Variants in AATK observed in about 807,000 individuals in gnomAD.
AATK encodes lemur tail kinase 1.
In AATK, 91 loss-of-function variants were observed where a neutral mutation model predicts 114.3. The ratio of observed to expected loss-of-function variants is 0.80; its 90% CI spans 0.67 to 0.95. The LOEUF (loss-of-function observed/expected upper bound fraction) is 0.95. Among genes scored for constraint, AATK ranks in the 40% least tolerant of loss-of-function variants. AATK has a pLI of 0.00. For synonymous variants in AATK, 1,075 were observed against 916.5 expected (o/e 1.17, Z -3.12); for missense variants, 2,176 against 1,965.2 (o/e 1.11, Z -2.03).
chr17:81,163,272 G>A (rs1335504406), intron 1 of AATK, among the ~76,000 whole-genome samples: 1 of 152,174 alleles, frequency 6.6e-6, no homozygotes. Flanking sequence ...CACCAGGGAA[G>A]GTGAAGGCTG....
Position 81,118,279 on chromosome 17 carries a change from G to C in AATK, c.*123C>G. The C allele has an allele frequency of 1.0e-6, 1 of 993,202 alleles. No individual in the cohort carries two copies. Among genetic ancestry groups the C allele is most frequent in the South Asian group, 1.5e-5 (1 of 65,230 alleles). 61.5% of individuals were successfully genotyped at this position (993,202 alleles called of 1,614,324 possible). A position where few individuals can be genotyped will look rare whatever the true frequency, so the allele number is the denominator to read the frequency against. ...CTCCAGGACACCGCGTGGGGCAGAG[G>C]CACCTGAATCTGCTGCCAACAGCCA... On this transcript the variant is annotated 3_prime_UTR_variant, in exon 14 of 14. Coordinates refer to ENST00000326724, the MANE Select transcript of AATK (RefSeq NM_001080395.3).
chr17:81,127,616 C>G lies in AATK; in HGVS notation c.588G>C (p.Thr196=), dbSNP rs773128585. 6.2e-7 allele frequency: 1 copy of G among 1,602,402 alleles called. No homozygotes were observed. Among genetic ancestry groups the G allele is most frequent in the East Asian group, 2.3e-5 (1 of 44,372 alleles). The part of the protein sequence containing the change: ...LQCLAQCAEV[T]PYLLVMEFCP... ...AGAACTCCATCACCAGCAGGTAGGG[C>G]GTCACCTCGGCGCACTGGGCCAGGC... The change falls in exon 6 of 14, where the codon ACG becomes ACC. Residue 196 remains threonine, a synonymous_variant. Coordinates refer to ENST00000326724, the MANE Select transcript of AATK (RefSeq NM_001080395.3).
At chr17:81,146,550 T>C (rs1178233643) in intron 1 of AATK, among the ~76,000 whole-genome samples, 1 of 151,472 alleles carries the variant, frequency 6.6e-6, no homozygotes, top group Non-Finnish European at 1.5e-5. Flanking sequence ...ACCTTGTCTC[T>C]ACTAAAAATA....
intron 1 of AATK, among the ~76,000 whole-genome samples, chr17:81,136,566 C>T (rs374175763): frequency 2.0e-5 from 3 of 152,344 alleles, no homozygotes; most frequent in African/African-American, 7.2e-5. Flanking sequence ...TGGTCCTTCC[C>T]CGCACTGAGG....
intron 1 of AATK, among the ~76,000 whole-genome samples, chr17:81,138,553 CG>C (rs2061064311): frequency 6.7e-6 from 1 of 149,644 alleles, no homozygotes; most frequent in African/African-American, 2.5e-5. Context: ...CGTGCACACA[CG>C]TGCACACATA....
rs1598905566 is a variant in AATK, at chr17:81,121,670, G to A, written c.2266C>T (p.Pro756Ser). ...GAGGGTGTAACCAGGCAGGGAGCAG[G>A]TGCCAGGCCCTGGGCAGAGCATAGA... ...PHLCSAQGLAPAPCLVTPSWT... is the reference protein window; with the variant it reads ...PHLCSAQGLASAPCLVTPSWT... The change falls in exon 11 of 14, where the codon CCT (proline) becomes TCT (serine). Residue 756 changes from proline to serine, a missense_variant. Physicochemically the swap from Pro to Ser is moderately conservative, Grantham distance 74. This residue lies in a region of AATK where 1,701 missense variants were observed against 1,394.7 expected (regional missense o/e 1.22). Transcript: ENST00000326724. The A allele has an allele frequency of 6.7e-7, 1 of 1,500,170 alleles. No homozygotes were observed. The highest frequency in any genetic ancestry group is 2.4e-5 in the East Asian group (1 of 41,866). 92.9% of individuals were successfully genotyped at this position (1,500,170 alleles called of 1,614,324 possible).
At chr17:81,154,134 T>G (rs1322579597) in intron 1 of AATK, among the ~76,000 whole-genome samples, 6 of 152,000 alleles carry the variant, frequency 3.9e-5, no homozygotes, top group Admixed American at 3.3e-4. Context: ...TGTGAGCGTC[T>G]TCTCCAAGGA....
chr17:81,154,107 G>C (rs2061331680), intron 1 of AATK, among the ~76,000 whole-genome samples: 1 of 151,872 alleles, frequency 6.6e-6, no homozygotes, highest in African/African-American at 2.4e-5. Context: ...ACAGAGCAGT[G>C]CCATGTAGAA....
rs1189442582 is a variant in AATK, at chr17:81,119,652, C to G, written c.3884-72G>C. The G allele has an allele frequency of 5.8e-5, 32 of 549,364 alleles. No individual in the cohort carries two copies. The South Asian group carries it at 1.1e-3, about 18-fold the overall frequency. 34.0% of individuals were successfully genotyped at this position (549,364 alleles called of 1,614,324 possible). A position where few individuals can be genotyped will look rare whatever the true frequency, so the allele number is the denominator to read the frequency against. On this transcript the variant is annotated intron_variant, in intron 12 of 13. Transcript: ENST00000326724. ...CGGCCCGGCCCCGCTCCCACAGTCA[C>G]GGGCCCAGGCCCCGCCTCCCATCAT... is the stretch of plus-strand genomic sequence containing the variant.
intron 1 of AATK, among the ~76,000 whole-genome samples, chr17:81,140,669 TGGG>T (rs1208794359): frequency 3.0e-4 from 36 of 121,080 alleles, no homozygotes; most frequent in South Asian, 5.4e-4. Context: ...CGTGGGGCCG[TGGG>T]GACCATGGGG....
intron 1 of AATK, 144 bp from the exon 2 acceptor site, chr17:81,134,645 A>C: frequency 1.8e-6 from 2 of 1,088,224 alleles, no homozygotes; most frequent in Non-Finnish European, 2.6e-6. Context: ...CAGACCCCAC[A>C]CCTCACAGTG....
At chr17:81,118,822 G>A (rs1001828571) in intron 13 of AATK, among the ~76,000 whole-genome samples, 1 of 152,232 alleles carries the variant, frequency 6.6e-6, no homozygotes, top group Non-Finnish European at 1.5e-5. Context: ...GGCCAGGACA[G>A]CTAGGGAAGA....
At position 81,118,352 on chromosome 17, in the gene AATK, G is replaced by A. The variant is rs927484187; in HGVS notation, c.*50C>T. The A allele has an allele frequency of 2.6e-6, 4 of 1,559,136 alleles. No homozygotes were observed. Among genetic ancestry groups the A allele is most frequent in the East Asian group, 2.4e-5 (1 of 41,748 alleles). On this transcript the variant is annotated 3_prime_UTR_variant, in exon 14 of 14. Coordinates refer to ENST00000326724, the MANE Select transcript of AATK (RefSeq NM_001080395.3). ...TCGGTCACCATCCTCGCTGCTGCCT[G>A]GCAGGGGCTCCGGTGACGCCAGCCT...
Position 81,119,092 on chromosome 17 carries a change from G to A in AATK, c.4084+288C>T, listed in dbSNP as rs868720881. ...GTGAGAGGGCCTGCCGCAGGTCTGC[G>A]GGGTAGGGTCAGGCAGAGGAGAGCC... is the stretch of plus-strand genomic sequence containing the variant. On this transcript the variant is annotated intron_variant, in intron 13 of 13. Coordinates refer to ENST00000326724, the MANE Select transcript of AATK (RefSeq NM_001080395.3). Among the ~76,000 whole-genome samples the A allele has an allele frequency of 8.5e-5, 13 of 152,242 alleles. No homozygotes were observed. In the Middle Eastern group the frequency reaches 0.01, roughly 119 times the overall value.
chr17:81,146,227 G>A (rs1315714365), intron 1 of AATK, among the ~76,000 whole-genome samples: 2 of 151,728 alleles, frequency 1.3e-5, no homozygotes, highest in African/African-American at 4.8e-5. Context: ...TGGGCGTGGT[G>A]ATGCACACCT....
At chr17:81,128,837 G>A (rs1197130584) in intron 3 of AATK, 6 of 1,226,128 alleles carry the variant, frequency 4.9e-6, no homozygotes, top group Non-Finnish European at 6.2e-6. Flanking sequence ...AGGGACAGCA[G>A]GGCCCGGAGC....
chr17:81,125,621 C>A (rs1272527034), intron 7 of AATK, among the ~76,000 whole-genome samples: 1 of 152,172 alleles, frequency 6.6e-6, no homozygotes, highest in Non-Finnish European at 1.5e-5. Flanking sequence ...TGAACCCTGC[C>A]TGGCTGGTCA....
intron 1 of AATK, among the ~76,000 whole-genome samples, chr17:81,159,683 C>T (rs1481703684): frequency 6.6e-6 from 1 of 152,068 alleles, no homozygotes; most frequent in African/African-American, 2.4e-5. Context: ...GGGGCCCCAC[C>T]GAGCACCAGG....
At chr17:81,131,031 G>A (rs372869215) in intron 3 of AATK, 30 bp downstream of exon 3, 2 of 1,542,658 alleles carry the variant, frequency 1.3e-6, no homozygotes, top group South Asian at 2.4e-5. Flanking sequence ...CCCGGAGGGA[G>A]GCCACCCCAT....
Sources: allele counts gnomAD v4.1 joint callset (sites outside exome capture counted in the v4.1 genomes callset), GRCh38; gene constraint gnomAD v4.1.1; regional missense constraint gnomAD v4.1.1; transcripts MANE v1.5; gene names NCBI Gene and HGNC (gene_info 2026-07-23, HGNC 2026-07-21).